The following TSTD2 variants were observed in gnomAD, a reference collection of about 807,000 sequenced individuals.
TSTD2 encodes thiosulfate sulfurtransferase like domain containing 2.
In TSTD2, 37 loss-of-function variants were observed where a neutral mutation model predicts 47.9. The observed-to-expected ratio is 0.77, with a 90% CI of 0.59 to 1.02. The LOEUF is 1.02. Among genes scored for constraint, TSTD2 ranks in the 50% least tolerant of loss-of-function variants. The probability of loss-of-function intolerance (pLI) is 0.00; values close to 1 mark genes in which losing one functional copy is unlikely to be tolerated. For synonymous variants in TSTD2, 201 were observed against 215.9 expected, an observed-to-expected ratio of 0.93 and a Z score of 0.61; for missense variants, 586 against 616.0, an observed-to-expected ratio of 0.95 and a Z score of 0.52.
intron 4 of TSTD2, among the ~76,000 whole-genome samples, chr9:97,612,787 C>A (rs1013689760): frequency 1.3e-5 from 2 of 152,242 alleles, no homozygotes; most frequent in African/African-American, 4.8e-5. Context: ...AACTCCTGGC[C>A]TCAAGTGATC....
chr9:97,616,533 G>C (rs1315348369), intron 4 of TSTD2, among the ~76,000 whole-genome samples: 1 of 152,210 alleles, frequency 6.6e-6, no homozygotes, highest in East Asian at 1.9e-4. Context: ...AAAGTGGTGA[G>C]TGTGGAAGAG....
intron 4 of TSTD2, 51 bp from the exon 5 acceptor site, chr9:97,611,750 T>A: frequency 6.4e-7 from 1 of 1,569,356 alleles, no homozygotes; most frequent in Admixed American, 1.7e-5. Flanking sequence ...AGCTTGGTTA[T>A]CTTTCCAGGG....
At position 97,600,375 on chromosome 9, in the gene TSTD2, C is replaced by G. The variant is rs115493726; in HGVS notation, c.*2094G>C. 2,413 of 985,948 alleles carry G rather than the reference C, an allele frequency of 2.4e-3. 31 individuals are homozygous for G. The African/African-American group carries it at 0.038, about 15-fold the overall frequency. The allele number at this position is 985,948 out of a possible 1,614,324, so 61.1% of individuals were successfully genotyped here. On this transcript the variant is annotated 3_prime_UTR_variant, in exon 10 of 10. Transcript: ENST00000341170. Reference sequence around the variant, plus strand: ...CAAAAACCAACCTTTCATTACCAATCCCAGGCAACAAACATGTCCCTGAGT... The same window carrying G: ...CAAAAACCAACCTTTCATTACCAATGCCAGGCAACAAACATGTCCCTGAGT...
At chr9:97,632,751 C>T (rs1195093682) in intron 1 of TSTD2, among the ~76,000 whole-genome samples, 1 of 152,108 alleles carries the variant, frequency 6.6e-6, no homozygotes, top group Non-Finnish European at 1.5e-5. Flanking sequence ...GAAAGCAGAG[C>T]AGGCAGGGTT....
intron 4 of TSTD2, among the ~76,000 whole-genome samples, chr9:97,615,244 GAGA>G (rs903212040): frequency 2.6e-5 from 4 of 152,206 alleles, no homozygotes; most frequent in Non-Finnish European, 4.4e-5. Context: ...GTAAGAAACT[GAGA>G]AGAACAATCA....
chr9:97,628,676 A>G (rs1392550462), intron 1 of TSTD2, among the ~76,000 whole-genome samples: 1 of 152,212 alleles, frequency 6.6e-6, no homozygotes, highest in Non-Finnish European at 1.5e-5. Flanking sequence ...AAGCCTAGGC[A>G]GGCTTGTTAA....
In TSTD2 at chr9:97,622,588, T is replaced by C. The variant is rs1826657406; in HGVS notation, c.482+3093A>G. ...GTAGATCCACTGAGAGCTTGCACCG[T>C]GTGCCGAAAAGATGCAGACACTCAA... On this transcript the variant is annotated intron_variant, in intron 3 of 9. Coordinates refer to ENST00000341170, the MANE Select transcript of TSTD2 (RefSeq NM_139246.5). Among the ~76,000 whole-genome samples, 4 of 152,286 alleles carry C rather than the reference T, an allele frequency of 2.6e-5. No individual in the cohort carries two copies. The South Asian group carries it at 6.2e-4, about 24-fold the overall frequency.
chr9:97,629,326 GAC>G (rs1261320962), intron 1 of TSTD2, among the ~76,000 whole-genome samples: 4 of 152,148 alleles, frequency 2.6e-5, no homozygotes, highest in Non-Finnish European at 5.9e-5. Context: ...AACATACACA[GAC>G]ACACACAGGC....
intron 4 of TSTD2, among the ~76,000 whole-genome samples, chr9:97,615,441 A>G (rs1006045741): frequency 6.6e-6 from 1 of 152,208 alleles, no homozygotes; most frequent in African/African-American, 2.4e-5. Flanking sequence ...CTAGCTCCCA[A>G]TCTTATAACT....
intron 1 of TSTD2, among the ~76,000 whole-genome samples, chr9:97,629,868 T>C (rs923067245): frequency 1.3e-5 from 2 of 152,216 alleles, no homozygotes; most frequent in African/African-American, 4.8e-5. Flanking sequence ...GGAGGTAACA[T>C]TGTCGAAAGG....
chr9:97,602,836 C>T (rs774968623), intron 9 of TSTD2, 69 bp from the exon 10 acceptor site: 4 of 1,461,542 alleles, frequency 2.7e-6, no homozygotes, highest in Admixed American at 4.4e-5. Flanking sequence ...GCATTGCTCC[C>T]TTTGCTGACT....
rs910192872 is a variant in TSTD2 at position 97,605,653 on chromosome 9, G to A, written c.955-12C>T. On this transcript the variant is annotated splice_polypyrimidine_tract_variant and intron_variant, in intron 7 of 9. Transcript: ENST00000341170. ...CCTTGGAATCGTCCCTGTAACATAG[G>A]AGCAACAAAAGGAAAATTATCAGAA... The A allele has an allele frequency of 6.2e-7, 1 of 1,613,908 alleles. No individual in the cohort carries two copies. Among genetic ancestry groups the A allele is most frequent in the Non-Finnish European group, 8.5e-7 (1 of 1,179,982 alleles).
In TSTD2 at chr9:97,601,782, G is replaced by A. The variant is rs957046987; in HGVS notation, c.*687C>T. 1.1e-4 allele frequency: 19 copies of A among 173,132 alleles called. No individual in the cohort carries two copies. The highest frequency in any genetic ancestry group is 2.2e-4 in the Non-Finnish European group (19 of 87,166). The allele number at this position is 173,132 out of a possible 1,614,324, so 10.7% of individuals were successfully genotyped here. A position where few individuals can be genotyped will look rare whatever the true frequency, so the allele number is the denominator to read the frequency against. On this transcript the variant is annotated 3_prime_UTR_variant, in exon 10 of 10. Coordinates refer to ENST00000341170, the MANE Select transcript of TSTD2 (RefSeq NM_139246.5). ...AACTGCATGGCTGCACTTATATATG[G>A]ATTTTTTTCAACCATACAGGTTGAA...
At chr9:97,608,109 G>T (rs1290256155) in intron 6 of TSTD2, among the ~76,000 whole-genome samples, 1 of 152,098 alleles carries the variant, frequency 6.6e-6, no homozygotes, top group African/African-American at 2.4e-5. Flanking sequence ...CTTGAACCCA[G>T]GAGGCAGAGG....
At chr9:97,622,634 C>A (rs1200428080) in intron 3 of TSTD2, among the ~76,000 whole-genome samples, 1 of 152,226 alleles carries the variant, frequency 6.6e-6, no homozygotes, top group Non-Finnish European at 1.5e-5. Context: ...TGAAAGCAGT[C>A]AGGAGGGAGG....
intron 3 of TSTD2, among the ~76,000 whole-genome samples, chr9:97,620,472 C>T (rs1826616229): frequency 6.6e-6 from 1 of 152,056 alleles, no homozygotes; most frequent in Admixed American, 6.6e-5. Flanking sequence ...GAAAAGACAC[C>T]CAAAAAGGTG....
At chr9:97,613,969 C>T (rs1826500932) in intron 4 of TSTD2, among the ~76,000 whole-genome samples, 3 of 151,950 alleles carry the variant, frequency 2.0e-5, no homozygotes, top group African/African-American at 7.3e-5. Flanking sequence ...GCTGGGACTA[C>T]AGGTGCCCGC....
intron 3 of TSTD2, among the ~76,000 whole-genome samples, chr9:97,621,735 CCT>C (rs1354019875): frequency 1.3e-5 from 2 of 152,132 alleles, no homozygotes; most frequent in African/African-American, 4.8e-5. Flanking sequence ...GCTCTTGAAC[CCT>C]GTTTCCTGTT....
chr9:97,613,552 T>C (rs1280442624), intron 4 of TSTD2, among the ~76,000 whole-genome samples: 5 of 151,720 alleles, frequency 3.3e-5, no homozygotes, highest in African/African-American at 7.3e-5. Flanking sequence ...CCCTGCAGAG[T>C]TGGTTGTTTT....
Sources: allele counts gnomAD v4.1 joint callset (sites outside exome capture counted in the v4.1 genomes callset), GRCh38; gene constraint gnomAD v4.1.1; transcripts MANE v1.5; gene names NCBI Gene and HGNC (gene_info 2026-07-23, HGNC 2026-07-21).